ADAMTS18: variants seen among roughly 807,000 people sequenced by gnomAD.
ADAMTS18 encodes ADAM metallopeptidase with thrombospondin type 1 motif 18, also known as A disintegrin and metalloproteinase with thrombospondin motifs 18.
In ADAMTS18, 157 loss-of-function variants were observed where a neutral mutation model predicts 165.9. That is an observed-to-expected ratio of 0.95 (90% CI 0.83 to 1.08). ADAMTS18 has a LOEUF of 1.08. Ranked by LOEUF, ADAMTS18 falls within the 50% of genes least tolerant of loss-of-function variation. The pLI is 0.00. For synonymous variants in ADAMTS18, 782 were observed against 578.2 expected, an observed-to-expected ratio of 1.35 and a Z score of -5.06; for missense variants, 2,040 against 1,534.0, an observed-to-expected ratio of 1.33 and a Z score of -5.51.
chr16:77,327,885 G>A (rs1479410427), intron 12 of ADAMTS18, among the ~76,000 whole-genome samples: 1 of 152,164 alleles, frequency 6.6e-6, no homozygotes, highest in Non-Finnish European at 1.5e-5. Context: ...AGAAGGAACA[G>A]AAAGCACCAT....
At chr16:77,376,432 C>T (rs2056953590) in intron 3 of ADAMTS18, among the ~76,000 whole-genome samples, 1 of 152,128 alleles carries the variant, frequency 6.6e-6, no homozygotes, top group African/African-American at 2.4e-5. Flanking sequence ...GCCCCAAGTC[C>T]ACTTAGATGT....
chr16:77,353,180 C>T (rs58743560), intron 10 of ADAMTS18, among the ~76,000 whole-genome samples: 3 of 152,236 alleles, frequency 2.0e-5, no homozygotes, highest in East Asian at 3.9e-4. Flanking sequence ...AGTGTAACAA[C>T]GTGTCTCTCA....
At chr16:77,400,277 C>A (rs1453293705) in intron 3 of ADAMTS18, among the ~76,000 whole-genome samples, 1 of 151,936 alleles carries the variant, frequency 6.6e-6, no homozygotes, top group Non-Finnish European at 1.5e-5. Flanking sequence ...CATTACATAT[C>A]TTCGCACCTG....
intron 3 of ADAMTS18, among the ~76,000 whole-genome samples, chr16:77,368,592 A>G (rs375621236): frequency 2.6e-5 from 4 of 151,912 alleles, no homozygotes; most frequent in East Asian, 3.9e-4. Context: ...ACACACCACT[A>G]TGCTCAGAAA....
intron 18 of ADAMTS18, 25 bp downstream of exon 18, chr16:77,297,263 CA>C: frequency 6.2e-7 from 1 of 1,613,960 alleles, no homozygotes; most frequent in Non-Finnish European, 8.5e-7. Flanking sequence ...CAAAACTAAA[CA>C]AAAAGACACT....
chr16:77,358,065 T>G (rs915855494), intron 8 of ADAMTS18, among the ~76,000 whole-genome samples: 4 of 152,234 alleles, frequency 2.6e-5, no homozygotes. Context: ...GCACACATAT[T>G]TTGTTTCCTG....
intron 13 of ADAMTS18, 122 bp downstream of exon 13, chr16:77,325,744 G>T (rs1188427699): frequency 1.2e-5 from 12 of 1,003,324 alleles, no homozygotes; most frequent in Non-Finnish European, 1.6e-5. Context: ...AGCCAGGATG[G>T]GTCTGGGGAG....
At chr16:77,404,178 G>A (rs1225945281) in intron 3 of ADAMTS18, among the ~76,000 whole-genome samples, 1 of 152,006 alleles carries the variant, frequency 6.6e-6, no homozygotes, top group Non-Finnish European at 1.5e-5. Context: ...GGAGGTGGAG[G>A]AGCAAAAAAA....
intron 12 of ADAMTS18, among the ~76,000 whole-genome samples, chr16:77,334,485 T>C (rs1338728377): frequency 1.8e-5 from 2 of 112,168 alleles, no homozygotes; most frequent in Non-Finnish European, 3.3e-5. Context: ...ATAGTATATA[T>C]TATATAGTAT....
At position 77,283,913 on chromosome 16, in the gene ADAMTS18, A is replaced by G; in HGVS notation, c.*43T>C. On this transcript the variant is annotated 3_prime_UTR_variant, in exon 23 of 23. Transcript: ENST00000282849. The stretch of plus-strand genomic sequence containing the variant: ...GGCAGCTGGTCTCTCTAGAGGTTGA[A>G]AGGTAAGCCCCTGGCCCTAAGGTGC... 3 of 1,486,324 alleles carry G rather than the reference A, an allele frequency of 2.0e-6. No homozygotes were observed. The highest frequency in any genetic ancestry group is 1.7e-5 in the Admixed American group (1 of 59,690). 92.1% of individuals were successfully genotyped at this position (1,486,324 alleles called of 1,614,324 possible). A position where few individuals can be genotyped will look rare whatever the true frequency, so the allele number is the denominator to read the frequency against.
chr16:77,334,031 A>AATATATGCTATATATAATATACAGTGCT (rs1555514050), intron 12 of ADAMTS18, among the ~76,000 whole-genome samples: 29,902 of 93,498 alleles, frequency 0.32, 7,972 homozygotes, highest in Non-Finnish European at 0.4. Context: ...TATACAGTGC[A>AATATATGCTATATATAATATACAGTGCT]ATATATGCTA....
intron 3 of ADAMTS18, among the ~76,000 whole-genome samples, chr16:77,387,475 T>A (rs12599448): frequency 0.12 from 18,205 of 152,250 alleles, 1,379 homozygotes; most frequent in East Asian, 0.24. Context: ...CAAAATGCAC[T>A]ACTCAAGAGT....
chr16:77,378,268 T>C (rs1294995455), intron 3 of ADAMTS18, among the ~76,000 whole-genome samples: 3 of 151,284 alleles, frequency 2.0e-5, no homozygotes, highest in Admixed American at 6.6e-5. Flanking sequence ...GAGGCTGCAG[T>C]GAGCTGTGAT....
At chr16:77,324,909 TC>T (rs1371525628) in intron 13 of ADAMTS18, among the ~76,000 whole-genome samples, 1 of 128,648 alleles carries the variant, frequency 7.8e-6, no homozygotes. Context: ...TATCTATACT[TC>T]CTGGCAAACA....
intron 13 of ADAMTS18, among the ~76,000 whole-genome samples, chr16:77,324,907 C>T (rs981082300): frequency 7.8e-6 from 1 of 128,662 alleles, no homozygotes; most frequent in African/African-American, 2.5e-5. Context: ...TCTATCTATA[C>T]TTCCTGGCAA....
At chr16:77,358,381 G>A (rs2056662707) in intron 8 of ADAMTS18, among the ~76,000 whole-genome samples, 1 of 152,114 alleles carries the variant, frequency 6.6e-6, no homozygotes. Context: ...GACCAACATG[G>A]TGAAACCTCA....
intron 2 of ADAMTS18, chr16:77,433,489 T>C (rs2057763283): frequency 6.6e-6 from 1 of 152,226 alleles, no homozygotes; most frequent in African/African-American, 2.4e-5. Context: ...GTGAGGTCCT[T>C]ACAAGGTTGT....
chr16:77,427,846 G>T (rs2057692687), intron 3 of ADAMTS18, among the ~76,000 whole-genome samples: 1 of 152,176 alleles, frequency 6.6e-6, no homozygotes, highest in Admixed American at 6.5e-5. Context: ...GGTTAATTCT[G>T]AATTATTAAG....
At chr16:77,338,177 T>C in intron 11 of ADAMTS18, among the ~76,000 whole-genome samples, 1 of 152,188 alleles carries the variant, frequency 6.6e-6, no homozygotes. Flanking sequence ...GTGCTGGGAT[T>C]ATAGGCGTGA....
Sources: gnomAD v4.1 joint callset for allele counts (sites outside exome capture counted in the v4.1 genomes callset) on GRCh38, gnomAD v4.1.1 for gene constraint, MANE v1.5 for transcripts, NCBI Gene and HGNC (gene_info 2026-07-23, HGNC 2026-07-21) for gene names.